Variants in PHYHIPL observed in about 807,000 individuals in gnomAD.
The protein encoded by PHYHIPL is phytanoyl-CoA hydroxylase-interacting protein-like.
In PHYHIPL, 9 loss-of-function variants were observed where a neutral mutation model predicts 33.4. The ratio of observed to expected loss-of-function variants is 0.27; its 90% CI spans 0.16 to 0.47. PHYHIPL has a LOEUF of 0.47. Ranked by LOEUF, PHYHIPL falls within the 20% of genes least tolerant of loss-of-function variation. The pLI, the probability that PHYHIPL is intolerant of heterozygous loss-of-function variation, is 0.99. For missense variants in PHYHIPL, 365 were observed against 460.7 expected (o/e 0.79, Z 1.90); for synonymous variants, 153 against 154.1 (o/e 0.99, Z 0.05).
intron 1 of PHYHIPL, among the ~76,000 whole-genome samples, chr10:59,224,777 C>T (rs1383128043): frequency 6.6e-6 from 1 of 151,944 alleles, no homozygotes; most frequent in East Asian, 1.9e-4. Context: ...TCTTTTTGCT[C>T]TTCACAAAAT....
intron 1 of PHYHIPL, among the ~76,000 whole-genome samples, chr10:59,196,989 T>A (rs1010301048): frequency 1.3e-5 from 2 of 152,232 alleles, no homozygotes; most frequent in African/African-American, 4.8e-5. Flanking sequence ...CAGTTCAAGA[T>A]AATTTTTAGT....
At chr10:59,219,297 T>G (rs1474877839) in intron 1 of PHYHIPL, 1 of 826,906 alleles carries the variant, frequency 1.2e-6, no homozygotes, top group Non-Finnish European at 1.5e-6. Flanking sequence ...ATGGAAGATA[T>G]TCTTTACGTA....
chr10:59,230,783 T>C (rs552304873), intron 1 of PHYHIPL, among the ~76,000 whole-genome samples: 1 of 152,290 alleles, frequency 6.6e-6, no homozygotes, highest in South Asian at 2.1e-4. Flanking sequence ...ACATGTAATA[T>C]TTACATTGGT....
intron 1 of PHYHIPL, among the ~76,000 whole-genome samples, chr10:59,213,447 T>C (rs964732754): frequency 6.6e-6 from 1 of 152,124 alleles, no homozygotes. Flanking sequence ...TATAAAAAAA[T>C]AATATTTAAA....
chr10:59,214,010 G>T (rs540863700), intron 1 of PHYHIPL, among the ~76,000 whole-genome samples: 1 of 152,144 alleles, frequency 6.6e-6, no homozygotes, highest in South Asian at 2.1e-4. Flanking sequence ...AAATGGTGGG[G>T]TGATATTTCT....
At chr10:59,236,708 C>G (rs1840238399) in intron 3 of PHYHIPL, 51 bp downstream of exon 3, 2 of 1,410,968 alleles carry the variant, frequency 1.4e-6, no homozygotes, top group Non-Finnish European at 1.9e-6. Context: ...TCTGGGAAAG[C>G]TAATTATAGA....
Position 59,245,596 on chromosome 10 carries a change from C to T in PHYHIPL, c.*5C>T. ...AATATCAGTGTTGGACGTTAATGCC[C>T]ACTTTTCTTATTCTTACTCAGCCCC... is the stretch of plus-strand genomic sequence containing the variant. On this transcript the variant is annotated 3_prime_UTR_variant, in exon 5 of 5. Coordinates refer to ENST00000373880, the MANE Select transcript of PHYHIPL (RefSeq NM_032439.4). 6.3e-7 allele frequency: 1 copy of T among 1,577,368 alleles called. No individual in the cohort carries two copies. Among genetic ancestry groups the T allele is most frequent in the Non-Finnish European group, 8.6e-7 (1 of 1,164,828 alleles).
chr10:59,229,787 A>G (rs1350211405), intron 1 of PHYHIPL, among the ~76,000 whole-genome samples: 1 of 152,238 alleles, frequency 6.6e-6, no homozygotes, highest in African/African-American at 2.4e-5. Flanking sequence ...TTGAACACTC[A>G]GCAGTGTGTG....
chr10:59,243,774 A>T (rs1005461976), intron 4 of PHYHIPL, among the ~76,000 whole-genome samples: 1 of 152,156 alleles, frequency 6.6e-6, no homozygotes, highest in Non-Finnish European at 1.5e-5. Flanking sequence ...AACAACAAAA[A>T]AAAGAAGGCA....
At chr10:59,193,052 G>A (rs997730528) in intron 1 of PHYHIPL, among the ~76,000 whole-genome samples, 1 of 152,220 alleles carries the variant, frequency 6.6e-6, no homozygotes, top group South Asian at 2.1e-4. Context: ...TCTTCATCAA[G>A]TGTTCTTCCT....
At chr10:59,176,621 G>C, upstream of PHYHIPL, 1 of 358,774 alleles carries the variant, frequency 2.8e-6, no homozygotes, top group East Asian at 4.2e-5. Context: ...CCATCCTCGC[G>C]CCGGGTCCTG....
At position 59,200,785 on chromosome 10, in the gene PHYHIPL, G is replaced by A. The variant is rs1047484634; in HGVS notation, c.106+23826G>A. 6.6e-5 allele frequency among the ~76,000 whole-genome samples: 10 copies of A among 152,184 alleles called. No individual in the cohort carries two copies. In the South Asian group the frequency reaches 1.0e-3, roughly 16 times the overall value. On this transcript the variant is annotated intron_variant, in intron 1 of 4. Coordinates refer to ENST00000373880, the MANE Select transcript of PHYHIPL (RefSeq NM_032439.4). Reference sequence around the variant, plus strand: ...TCAACTTCTTCCTGGTTTAGTCTTCGGAGGGTGTATGTGTCGAAGAATTTA... The same window carrying A: ...TCAACTTCTTCCTGGTTTAGTCTTCAGAGGGTGTATGTGTCGAAGAATTTA...
intron 1 of PHYHIPL, among the ~76,000 whole-genome samples, chr10:59,180,182 G>A (rs1838363867): frequency 6.7e-6 from 1 of 148,672 alleles, no homozygotes; most frequent in African/African-American, 2.5e-5. Context: ...ACTGACCTGT[G>A]ACAAGACAAA....
At chr10:59,176,303 C>T (rs978048887), upstream of PHYHIPL, among the ~76,000 whole-genome samples, 1 of 152,202 alleles carries the variant, frequency 6.6e-6, no homozygotes, top group Admixed American at 6.5e-5. Flanking sequence ...AGGGCCAACT[C>T]GGGCTTCGCC....
At chr10:59,221,606 G>A in intron 1 of PHYHIPL, 3 of 837,342 alleles carry the variant, frequency 3.6e-6, no homozygotes, top group Non-Finnish European at 2.9e-6. Context: ...GGAGTGTGAA[G>A]CCTTAATTTT....
At chr10:59,174,213 A>C (rs1838214350), upstream of PHYHIPL, among the ~76,000 whole-genome samples, 1 of 151,848 alleles carries the variant, frequency 6.6e-6, no homozygotes, top group South Asian at 2.1e-4. Context: ...GAACAGTAAA[A>C]ATGTTTCTGG....
rs561512582 is a variant in PHYHIPL, at chr10:59,238,573, T to C, written c.479-15T>C. On this transcript the variant is annotated splice_polypyrimidine_tract_variant and intron_variant, in intron 3 of 4. Coordinates refer to ENST00000373880, the MANE Select transcript of PHYHIPL (RefSeq NM_032439.4). ...TGCAATATTTTTAATAACAGACTTTTTGGGTTTTTTCCAGACTATTCAAAA... is the reference window on the plus strand; with the variant it reads ...TGCAATATTTTTAATAACAGACTTTCTGGGTTTTTTCCAGACTATTCAAAA... 3.4e-6 allele frequency: 5 copies of C among 1,463,162 alleles called. No individual in the cohort carries two copies. Among genetic ancestry groups the C allele is most frequent in the East Asian group, 2.3e-5 (1 of 44,008 alleles). 90.6% of individuals were successfully genotyped at this position (1,463,162 alleles called of 1,614,324 possible).
chr10:59,180,911 A>G (rs573445913), intron 1 of PHYHIPL, among the ~76,000 whole-genome samples: 6 of 152,184 alleles, frequency 3.9e-5, no homozygotes, highest in Non-Finnish European at 7.4e-5. Flanking sequence ...AGGAGTACCC[A>G]TAACTGTTAA....
chr10:59,179,681 T>C (rs1010147650), intron 1 of PHYHIPL, among the ~76,000 whole-genome samples: 8 of 152,140 alleles, frequency 5.3e-5, no homozygotes, highest in African/African-American at 1.9e-4. Context: ...TTTGTTTTTG[T>C]TTTTGTCTGT....
Sources: gnomAD v4.1 joint callset for allele counts (sites outside exome capture counted in the v4.1 genomes callset) on GRCh38, gnomAD v4.1.1 for gene constraint, MANE v1.5 for transcripts, NCBI Gene and HGNC (gene_info 2026-07-23, HGNC 2026-07-21) for gene names.